MLH3: variants seen among roughly 807,000 people sequenced by gnomAD.
MLH3 encodes DNA mismatch repair protein Mlh3.
Under a neutral mutation model 122.2 loss-of-function variants are expected in MLH3, and 82 were observed. That is an observed-to-expected ratio of 0.67 (90% CI 0.56 to 0.81). MLH3 has a LOEUF of 0.81. Ranked by LOEUF, MLH3 falls within the 30% of genes least tolerant of loss-of-function variation. MLH3 has a pLI of 0.00. For synonymous variants in MLH3, 524 were observed against 599.5 expected, an observed-to-expected ratio of 0.87 and a Z score of 1.84; for missense variants, 1,539 against 1,714.5, an observed-to-expected ratio of 0.90 and a Z score of 1.81.
chr14:75,033,103 G>C (rs1891162016), intron 7 of MLH3, among the ~76,000 whole-genome samples: 1 of 152,032 alleles, frequency 6.6e-6, no homozygotes, highest in Non-Finnish European at 1.5e-5. Context: ...GGCATGCCAA[G>C]ATCACCGGGC....
At chr14:75,020,117 A>G (rs1395092160) in intron 11 of MLH3, among the ~76,000 whole-genome samples, 4 of 152,202 alleles carry the variant, frequency 2.6e-5, no homozygotes, top group Non-Finnish European at 5.9e-5. Flanking sequence ...GGAGAAGGCC[A>G]GTGCAGAGGC....
chr14:75,046,569 T>G lies in MLH3; in HGVS notation c.3087A>C (p.Arg1029Ser), dbSNP rs1555344899. The change falls in exon 2 of 13, where the codon AGA (arginine) becomes AGC (serine). Residue 1029 changes from arginine to serine, a missense_variant. Coordinates refer to ENST00000355774, the MANE Select transcript of MLH3 (RefSeq NM_001040108.2). ...ICFQSEESKA[R>S]ACSETEESNT... ...TTGACTCTTCAGTTTCAGAACAAGC[T>G]CTTGCTTTAGATTCCTCACTCTGAA... 1.9e-6 allele frequency: 3 copies of G among 1,614,080 alleles called. No individual in the cohort carries two copies. The highest frequency in any genetic ancestry group is 2.7e-5 in the African/African-American group (2 of 74,932).
At chr14:75,044,938 C>G (rs941230943) in intron 2 of MLH3, among the ~76,000 whole-genome samples, 1 of 152,236 alleles carries the variant, frequency 6.6e-6, no homozygotes. Flanking sequence ...CTCCCAACAT[C>G]TGGCTCTCAA....
rs1889766417 is a variant in MLH3, at chr14:75,013,868, A to G, written c.*3214T>C. On this transcript the variant is annotated 3_prime_UTR_variant, in exon 13 of 13. Coordinates refer to ENST00000355774, the MANE Select transcript of MLH3 (RefSeq NM_001040108.2). ...CCTCTTCTGGACCCACCTTTTTGCC[A>G]TCTCACCGTTGATGAGCAGCTTCAG... is the stretch of plus-strand genomic sequence containing the variant. The G allele has an allele frequency of 2.7e-5, 6 of 218,304 alleles. 1 individual carries two copies. The South Asian group carries it at 1.1e-3, about 40-fold the overall frequency. 13.5% of individuals were successfully genotyped at this position (218,304 alleles called of 1,614,324 possible).
At chr14:75,043,023 G>A (rs1434907676) in intron 2 of MLH3, among the ~76,000 whole-genome samples, 1 of 152,100 alleles carries the variant, frequency 6.6e-6, no homozygotes, top group African/African-American at 2.4e-5. Context: ...TGATCCACCC[G>A]CCTCGGCCTC....
chr14:75,047,846 AT>A lies in MLH3; in HGVS notation c.1809del (p.Leu603PhefsTer7). The A allele has an allele frequency of 6.2e-7, 1 of 1,613,142 alleles. No individual in the cohort carries two copies. The highest frequency in any genetic ancestry group is 8.5e-7 in the Non-Finnish European group (1 of 1,179,796). On this transcript the variant is annotated frameshift_variant, in exon 2 of 13. Transcript: ENST00000355774. LOFTEE classifies it high-confidence loss of function. ...ACATGAGTTATAAAGCCAGTGGAAC[AT>A]AATTTAACTCGCCCATAACTAAAAA... ...RNVFSYGRVK[L>X]CSTGFITHVV...
rs147325766 is a variant in MLH3 at position 75,046,603 on chromosome 14, C to T, written c.3053G>A (p.Gly1018Glu). Residue 1018 changes from glycine to glutamate, a missense_variant, in exon 2 of 13, where the codon GGA becomes GAA. By Grantham distance (98) the Gly-to-Glu change is moderately conservative (BLOSUM62 -2). Transcript: ENST00000355774. ...AGATTCCTCACTCTGAAAACAAATT[C>T]CATTTTGGTCACCTGTGGCATCTTC... is the stretch of plus-strand genomic sequence containing the variant. ...PVEDATGDQN[G>E]ICFQSEESKA... The T allele has an allele frequency of 2.2e-5, 36 of 1,614,076 alleles. 1 individual carries two copies. In the South Asian group the frequency reaches 3.7e-4, roughly 17 times the overall value.
intron 5 of MLH3, 99 bp from the exon 6 acceptor site, chr14:75,038,511 T>C (rs1353761272): frequency 1.2e-5 from 10 of 845,842 alleles, no homozygotes; most frequent in Non-Finnish European, 2.0e-5. Flanking sequence ...TAGAGTTGTT[T>C]GCCTTATCAC....
rs10134636 is a variant in MLH3, at chr14:75,014,117, G to A, written c.*2965C>T. 0.025 allele frequency: 4,483 copies of A among 176,456 alleles called. 233 individuals are homozygous for A. Among genetic ancestry groups the A allele is most frequent in the African/African-American group, 0.1 (4,241 of 42,300 alleles). 10.9% of individuals were successfully genotyped at this position (176,456 alleles called of 1,614,324 possible). ...CAGCTGAGCTGGCTTGTCAGGGCTC[G>A]CTAGGAACTGCTGAGCTGCATCTGT... On this transcript the variant is annotated 3_prime_UTR_variant, in exon 13 of 13. Transcript: ENST00000355774.
chr14:75,051,230 A>G (rs1286991766), intron 1 of MLH3, 150 bp downstream of exon 1: 1 of 152,078 alleles, frequency 6.6e-6, no homozygotes, highest in East Asian at 1.9e-4. Context: ...CTTGTCCCCA[A>G]ACTGGGCCCG....
At chr14:75,023,298 G>C (rs1006023203) in intron 9 of MLH3, among the ~76,000 whole-genome samples, 1 of 152,210 alleles carries the variant, frequency 6.6e-6, no homozygotes, top group African/African-American at 2.4e-5. Flanking sequence ...TAGCTGGTGA[G>C]AGTAGCCTTG....
chr14:75,016,995 G>A lies in MLH3; in HGVS notation c.*87C>T. 6.6e-7 allele frequency: 1 copy of A among 1,519,026 alleles called. No homozygotes were observed. The highest frequency in any genetic ancestry group is 2.3e-5 in the East Asian group (1 of 43,442). 94.1% of individuals were successfully genotyped at this position (1,519,026 alleles called of 1,614,324 possible). The stretch of plus-strand genomic sequence containing the variant: ...GGGACACTGGGCTGATTCAGTCAGG[G>A]CCGTGCTGGTACCTGCTGCTGCTGC... On this transcript the variant is annotated 3_prime_UTR_variant, in exon 13 of 13. Coordinates refer to ENST00000355774, the MANE Select transcript of MLH3 (RefSeq NM_001040108.2).
chr14:75,019,171 G>C (rs975476811), intron 11 of MLH3, 191 bp from the exon 12 acceptor site: 1 of 576,966 alleles, frequency 1.7e-6, no homozygotes. Context: ...CAGCACTTTG[G>C]GAGGCTGAGG....
At chr14:75,021,032 A>G (rs1376264938) in intron 11 of MLH3, among the ~76,000 whole-genome samples, 1 of 152,142 alleles carries the variant, frequency 6.6e-6, no homozygotes, top group Non-Finnish European at 1.5e-5. Context: ...GCCCGCCACC[A>G]CGCCTGGCTA....
At chr14:75,039,791 C>T in intron 5 of MLH3, 120 bp downstream of exon 5, 1 of 295,174 alleles carries the variant, frequency 3.4e-6, no homozygotes, top group Non-Finnish European at 5.9e-6. Context: ...CACACACGTG[C>T]CTTGACCAAG....
At chr14:75,037,162 T>G (rs1891475097) in intron 6 of MLH3, among the ~76,000 whole-genome samples, 1 of 152,234 alleles carries the variant, frequency 6.6e-6, no homozygotes, top group South Asian at 2.1e-4. Flanking sequence ...TCATCTCCAG[T>G]TCCCCTTGCC....
chr14:75,039,937 T>C lies in MLH3; in HGVS notation c.3544A>G (p.Thr1182Ala). The C allele has an allele frequency of 5.1e-6, 8 of 1,577,218 alleles. No individual in the cohort carries two copies. The highest frequency in any genetic ancestry group is 6.9e-6 in the Non-Finnish European group (8 of 1,154,528). ...TGCATTGAATGAATCATTCCTTTGG[T>C]GAAACGATAGGGATACAAGATGTTG... ...IHNILYPYRF[T>A]KGMIHSMQVL... Residue 1182 changes from threonine to alanine, a missense_variant, in exon 5 of 13, where the codon ACC (threonine) becomes GCC (alanine). Physicochemically the swap from Thr to Ala is moderately conservative, Grantham distance 58 (BLOSUM62 0). Transcript: ENST00000355774.
At position 75,018,795 on chromosome 14, in the gene MLH3, T is replaced by C. The variant is rs1281615301; in HGVS notation, c.4242+34A>G. 3.7e-6 allele frequency: 6 copies of C among 1,609,694 alleles called. No individual in the cohort carries two copies. In the East Asian group the frequency reaches 1.3e-4, roughly 36 times the overall value. On this transcript the variant is annotated intron_variant, in intron 12 of 12. Transcript: ENST00000355774. The stretch of plus-strand genomic sequence containing the variant: ...CAGAAAAGAAAGAGAAAATAAACTT[T>C]GCTCCCTCCTGCTCCTGTTAGTCAT...
chr14:75,035,213 A>G (rs894137804), intron 6 of MLH3, among the ~76,000 whole-genome samples: 1 of 151,884 alleles, frequency 6.6e-6, no homozygotes. Context: ...AAAGAATTCC[A>G]GATAATGAAA....
Sources: gnomAD v4.1 joint callset for allele counts (sites outside exome capture counted in the v4.1 genomes callset) on GRCh38, gnomAD v4.1.1 for gene constraint, MANE v1.5 for transcripts, NCBI Gene and HGNC (gene_info 2026-07-23, HGNC 2026-07-21) for gene names.